RAB30: variants seen among roughly 807,000 people sequenced by gnomAD.
RAB30 encodes RAB30, member RAS oncogene family, also known as ras-related protein Rab-30.
In RAB30, 9 loss-of-function variants were observed where a neutral mutation model predicts 25.1. The ratio of observed to expected loss-of-function variants is 0.36; its 90% confidence interval spans 0.22 to 0.63. The LOEUF is 0.63. RAB30 is among the 20% of genes least tolerant of loss of function. The pLI is 0.69. For synonymous variants in RAB30, 77 were observed against 86.4 expected, an observed-to-expected ratio of 0.89 and a Z score of 0.60; for missense variants, 140 against 243.5, an observed-to-expected ratio of 0.58 and a Z score of 2.83.
rs1271481192 is a variant in RAB30 at position 82,997,115 on chromosome 11, G to C, written c.93+109C>G. 4.6e-6 allele frequency: 4 copies of C among 871,694 alleles called. No individual in the cohort carries two copies. In the African/African-American group the frequency reaches 6.7e-5, roughly 15 times the overall value. The allele number at this position is 871,694 out of a possible 1,614,324, so 54.0% of individuals were successfully genotyped here. A position where few individuals can be genotyped will look rare whatever the true frequency, so the allele number is the denominator to read the frequency against. On this transcript the variant is annotated intron_variant, in intron 2 of 4. Transcript: ENST00000527633. Reference sequence around the variant, plus strand: ...GGGTGCATCAGGAACTCACAGCTAAGACCCTGGCATTGAAACTGGTCATCC... The same window carrying C: ...GGGTGCATCAGGAACTCACAGCTAACACCCTGGCATTGAAACTGGTCATCC...
In RAB30 at chr11:82,976,151, G is replaced by A. The variant is rs1489029225; in HGVS notation, c.*6014C>T. On this transcript the variant is annotated 3_prime_UTR_variant, in exon 5 of 5. Coordinates refer to ENST00000527633, the MANE Select transcript of RAB30 (RefSeq NM_001286060.2). ...ATCAGACAAATGAATTCCTTTTAAG[G>A]CACCCTTTCAGAAATGGAGTTCTTT... 6.6e-6 allele frequency: 1 copy of A among 152,028 alleles called. No individual in the cohort carries two copies. The highest frequency in any genetic ancestry group is 1.5e-5 in the Non-Finnish European group (1 of 68,002). The allele number at this position is 152,028 out of a possible 1,614,324, so 9.4% of individuals were successfully genotyped here.
intron 1 of RAB30, among the ~76,000 whole-genome samples, chr11:83,001,728 G>A (rs1024589873): frequency 6.6e-6 from 1 of 152,020 alleles, no homozygotes; most frequent in Non-Finnish European, 1.5e-5. Flanking sequence ...ATGAGACAGC[G>A]TTTCCCCCTG....
At chr11:83,056,036 C>T (rs1325886033) in intron 1 of RAB30, among the ~76,000 whole-genome samples, 1 of 152,168 alleles carries the variant, frequency 6.6e-6, no homozygotes, top group Non-Finnish European at 1.5e-5. Flanking sequence ...TTTAGATATA[C>T]ATAACATAAA....
intron 1 of RAB30, among the ~76,000 whole-genome samples, chr11:83,018,116 T>C (rs934083358): frequency 6.6e-6 from 1 of 151,914 alleles, no homozygotes; most frequent in Admixed American, 6.6e-5. Flanking sequence ...CTGGCCAACA[T>C]AGTGAAACCC....
intron 1 of RAB30, among the ~76,000 whole-genome samples, chr11:83,067,303 T>C (rs1858723917): frequency 6.6e-6 from 1 of 152,052 alleles, no homozygotes; most frequent in Non-Finnish European, 1.5e-5. Flanking sequence ...CATGCTGGGG[T>C]AAGTATAAAC....
intron 1 of RAB30, among the ~76,000 whole-genome samples, chr11:83,069,584 A>T (rs533395083): frequency 6.6e-6 from 1 of 152,218 alleles, no homozygotes; most frequent in South Asian, 2.1e-4. Context: ...AGGAAGAAAG[A>T]GGGGGGAAAG....
chr11:82,983,272 CTTTGT>C (rs1404450311), intron 4 of RAB30, among the ~76,000 whole-genome samples: 1 of 152,104 alleles, frequency 6.6e-6, no homozygotes, highest in Non-Finnish European at 1.5e-5. Flanking sequence ...TCTGAATATA[CTTTGT>C]TTTGTAGATT....
intron 1 of RAB30, among the ~76,000 whole-genome samples, chr11:83,011,302 G>A (rs1857298274): frequency 6.6e-6 from 1 of 152,026 alleles, no homozygotes; most frequent in Non-Finnish European, 1.5e-5. Context: ...TGTTGTAATC[G>A]CATCAACATT....
At chr11:82,996,782 T>G (rs1856967256) in intron 2 of RAB30, among the ~76,000 whole-genome samples, 1 of 152,228 alleles carries the variant, frequency 6.6e-6, no homozygotes, top group African/African-American at 2.4e-5. Flanking sequence ...CACTCAAGTT[T>G]CCTGGGAGGA....
chr11:83,021,566 G>T (rs953805573), intron 1 of RAB30, among the ~76,000 whole-genome samples: 21 of 152,320 alleles, frequency 1.4e-4, no homozygotes, highest in African/African-American at 4.3e-4. Context: ...CTGTGCAGAG[G>T]CCAGACTCCA....
chr11:83,066,829 G>A (rs1019743751), intron 1 of RAB30, among the ~76,000 whole-genome samples: 3 of 152,242 alleles, frequency 2.0e-5, no homozygotes, highest in Non-Finnish European at 4.4e-5. Flanking sequence ...GGGGATTACA[G>A]GCGTGAGCCA....
intron 3 of RAB30, among the ~76,000 whole-genome samples, chr11:82,992,035 T>C (rs1462978869): frequency 6.6e-6 from 1 of 152,138 alleles, no homozygotes; most frequent in Non-Finnish European, 1.5e-5. Flanking sequence ...GCCTGGAAGG[T>C]AGTAGGCACT....
chr11:82,983,583 T>C (rs1009579886), intron 4 of RAB30, among the ~76,000 whole-genome samples: 1 of 134,710 alleles, frequency 7.4e-6, no homozygotes, highest in Non-Finnish European at 1.6e-5. Flanking sequence ...AGGCAGGCAC[T>C]ACCATGCCCA....
Position 83,051,763 on chromosome 11 carries a change from G to A in RAB30, c.-9+19928C>T, listed in dbSNP as rs535335519. Among the ~76,000 whole-genome samples the A allele has an allele frequency of 1.7e-3, 255 of 151,802 alleles. 3 individuals are homozygous for A. The highest frequency in any genetic ancestry group is 9.7e-4 in the East Asian group (5 of 5,166). On this transcript the variant is annotated intron_variant, in intron 1 of 4. Transcript: ENST00000527633. ...TGTATGAAGTTGTAATAGCCCTGACGTATGGTTTACCTACTAAGATACCCT... is the reference window on the plus strand; with the variant it reads ...TGTATGAAGTTGTAATAGCCCTGACATATGGTTTACCTACTAAGATACCCT...
rs1857922152 is a variant in RAB30 at position 83,033,505 on chromosome 11, A to G, written c.-8-36181T>C. On this transcript the variant is annotated intron_variant, in intron 1 of 4. Transcript: ENST00000527633. ...TTCTAATAACATCTCCCATTTGTTG[A>G]GAACACTCGATATGCCAAGAGCTTT... is the stretch of plus-strand genomic sequence containing the variant. Among the ~76,000 whole-genome samples, 4 of 152,234 alleles carry G rather than the reference A, an allele frequency of 2.6e-5. No individual in the cohort carries two copies. In the South Asian group the frequency reaches 8.3e-4, roughly 31 times the overall value.
At chr11:83,037,503 G>C (rs1171085305) in intron 1 of RAB30, among the ~76,000 whole-genome samples, 1 of 152,150 alleles carries the variant, frequency 6.6e-6, no homozygotes, top group African/African-American at 2.4e-5. Context: ...ACTCACCTCG[G>C]CCTCCCAAAG....
At chr11:83,056,948 C>T (rs1452447492) in intron 1 of RAB30, among the ~76,000 whole-genome samples, 1 of 152,110 alleles carries the variant, frequency 6.6e-6, no homozygotes, top group Non-Finnish European at 1.5e-5. Flanking sequence ...AAGCAAAAAG[C>T]ATGCAGAATT....
Position 82,982,241 on chromosome 11 carries a change from A to T in RAB30, c.536T>A (p.Leu179His). ...RLISEARQNT[L>H]VNNVSSPLPG... Reference sequence around the variant, plus strand: ...TAAGGGTGAGGATACATTGTTCACAAGTGTGTTCTGTCTGGCTTCACTGAT... The same window carrying T: ...TAAGGGTGAGGATACATTGTTCACATGTGTGTTCTGTCTGGCTTCACTGAT... Residue 179 changes from leucine (L) to histidine (H), a missense_variant, in exon 5 of 5, where the codon CTT (leucine) becomes CAT (histidine). By Grantham distance (99) the Leu-to-His change is moderately conservative. Coordinates refer to ENST00000527633, the MANE Select transcript of RAB30 (RefSeq NM_001286060.2). The T allele has an allele frequency of 2.5e-6, 4 of 1,614,218 alleles. No individual in the cohort carries two copies. Among genetic ancestry groups the T allele is most frequent in the Non-Finnish European group, 3.4e-6 (4 of 1,180,020 alleles).
Position 82,977,474 on chromosome 11 carries a change from G to A in RAB30, c.*4691C>T, listed in dbSNP as rs1026749964. ...CACCTGCTCCAATCTCCAACCAATT[G>A]GATCCTCTCCACATCTTTGCCTCTT... On this transcript the variant is annotated 3_prime_UTR_variant, in exon 5 of 5. Transcript: ENST00000527633. 2.0e-5 allele frequency: 3 copies of A among 152,094 alleles called. No individual in the cohort carries two copies. In the South Asian group the frequency reaches 6.2e-4, roughly 32 times the overall value. The allele number at this position is 152,094 out of a possible 1,614,324, so 9.4% of individuals were successfully genotyped here. A position where few individuals can be genotyped will look rare whatever the true frequency, so the allele number is the denominator to read the frequency against.
Sources: allele counts gnomAD v4.1 joint callset (sites outside exome capture counted in the v4.1 genomes callset), GRCh38; gene constraint gnomAD v4.1.1; transcripts MANE v1.5; gene names NCBI Gene and HGNC (gene_info 2026-07-23, HGNC 2026-07-21).